SAMHD1: variants seen among roughly 807,000 people sequenced by gnomAD.
The protein encoded by SAMHD1 is SAM and HD domain containing deoxynucleoside triphosphate triphosphohydrolase 1, also known as deoxynucleoside triphosphate triphosphohydrolase SAMHD1.
SAMHD1 carries 54 observed loss-of-function variants against 79.6 expected under a neutral mutation model. The ratio of observed to expected loss-of-function variants is 0.68; its 90% CI spans 0.55 to 0.85. The LOEUF (loss-of-function observed/expected upper bound fraction) is 0.85, where lower values mean the gene tolerates loss of function less well. Among genes scored for constraint, SAMHD1 ranks in the 40% least tolerant of loss-of-function variants. The pLI is 0.00. For synonymous variants in SAMHD1, 260 were observed against 264.1 expected (o/e 0.98, Z 0.15); for missense variants, 663 against 782.7 (o/e 0.85, Z 1.82).
intron 11 of SAMHD1, among the ~76,000 whole-genome samples, chr20:36,909,625 C>T (rs998967840): frequency 1.8e-4 from 26 of 143,688 alleles, no homozygotes; most frequent in Admixed American, 5.0e-4. Flanking sequence ...GAGCCGAGAT[C>T]GTGCCATTGC....
chr20:36,927,314 C>CA (rs1442351376), intron 5 of SAMHD1, 62 bp from the exon 6 acceptor site: 23 of 765,666 alleles, frequency 3.0e-5, no homozygotes, highest in Non-Finnish European at 3.9e-5. Flanking sequence ...AAACTTTTTC[C>CA]TTTTTTTTTT....
intron 1 of SAMHD1, among the ~76,000 whole-genome samples, chr20:36,948,946 A>G (rs1471649945): frequency 6.7e-6 from 1 of 149,184 alleles, no homozygotes. Context: ...CCAATATCAG[A>G]TATCTGCAAG....
chr20:36,925,025 AC>A (rs1368876381), intron 6 of SAMHD1, among the ~76,000 whole-genome samples: 1 of 151,826 alleles, frequency 6.6e-6, no homozygotes, highest in Non-Finnish European at 1.5e-5. Flanking sequence ...GTGTGGTAGC[AC>A]ATGCCTGTAA....
intron 2 of SAMHD1, among the ~76,000 whole-genome samples, chr20:36,943,342 A>C (rs534163950): frequency 7.1e-4 from 108 of 152,326 alleles, no homozygotes; most frequent in African/African-American, 2.5e-3. Flanking sequence ...CATAGTGACT[A>C]CTAAGTACTT....
In SAMHD1 at chr20:36,912,542, T is replaced by C; in HGVS notation, c.1073A>G (p.Asn358Ser). The C allele has an allele frequency of 6.2e-7, 1 of 1,610,798 alleles. No individual in the cohort carries two copies. The highest frequency in any genetic ancestry group is 8.5e-7 in the Non-Finnish European group (1 of 1,177,208). The change falls in exon 10 of 16, where the codon AAT becomes AGT. Residue 358 changes from asparagine (N) to serine (S), a missense_variant. Coordinates refer to ENST00000646673, the MANE Select transcript of SAMHD1 (RefSeq NM_015474.4). ...GCGAGTGTGGAACATGTCATACAGA[T>C]TTCCAACTTCCTGCAGGAAAACATG... ...RICARDKEVG[N>S]LYDMFHTRNS...
intron 6 of SAMHD1, among the ~76,000 whole-genome samples, chr20:36,923,216 G>A (rs1050112906): frequency 6.7e-6 from 1 of 149,840 alleles, no homozygotes; most frequent in Non-Finnish European, 1.5e-5. Context: ...AGCCAGGATG[G>A]TCTCAATCTT....
intron 2 of SAMHD1, among the ~76,000 whole-genome samples, chr20:36,943,329 A>T (rs1311569594): frequency 6.6e-6 from 1 of 152,220 alleles, no homozygotes; most frequent in Admixed American, 6.5e-5. Flanking sequence ...AGTAGCCGTT[A>T]GCCATAGTGA....
intron 9 of SAMHD1, among the ~76,000 whole-genome samples, chr20:36,914,750 T>C (rs973414459): frequency 2.0e-5 from 3 of 151,214 alleles, no homozygotes; most frequent in Non-Finnish European, 4.4e-5. Flanking sequence ...CTCACACATG[T>C]AATACCAGCA....
At chr20:36,948,014 CAT>C (rs971161969) in intron 1 of SAMHD1, among the ~76,000 whole-genome samples, 47 of 152,032 alleles carry the variant, frequency 3.1e-4, no homozygotes, top group African/African-American at 1.1e-3. Flanking sequence ...GTATAGATCA[CAT>C]GAGTTCTAGA....
chr20:36,912,899 T>TTTTTG (rs1555833570), intron 9 of SAMHD1, among the ~76,000 whole-genome samples: 1 of 130,276 alleles, frequency 7.7e-6, no homozygotes, highest in African/African-American at 3.2e-5. Flanking sequence ...GTTTTTTTTT[T>TTTTTG]TTTTTTTTTT....
chr20:36,949,997 G>C (rs1225485368), intron 1 of SAMHD1, among the ~76,000 whole-genome samples: 3 of 143,544 alleles, frequency 2.1e-5, no homozygotes, highest in Non-Finnish European at 4.5e-5. Flanking sequence ...CTGGGGGTAA[G>C]CAAGAGTTGA....
intron 6 of SAMHD1, among the ~76,000 whole-genome samples, chr20:36,921,231 A>G (rs1316197352): frequency 6.6e-6 from 1 of 151,830 alleles, no homozygotes; most frequent in Non-Finnish European, 1.5e-5. Context: ...CATCTCTACT[A>G]AAAATATAAA....
At chr20:36,939,476 G>C (rs2063627541) in intron 3 of SAMHD1, among the ~76,000 whole-genome samples, 1 of 151,342 alleles carries the variant, frequency 6.6e-6, no homozygotes, top group African/African-American at 2.4e-5. Context: ...TGCACCTGTA[G>C]TCCCAGCTAC....
intron 6 of SAMHD1, among the ~76,000 whole-genome samples, chr20:36,922,408 C>T (rs1170336522): frequency 6.6e-6 from 1 of 152,148 alleles, no homozygotes; most frequent in African/African-American, 2.4e-5. Context: ...CTTTGAGAGA[C>T]AGGGCTCTTG....
intron 3 of SAMHD1, among the ~76,000 whole-genome samples, chr20:36,938,646 C>T (rs1283764670): frequency 6.6e-6 from 1 of 151,924 alleles, no homozygotes; most frequent in Admixed American, 6.6e-5. Flanking sequence ...ACCATCCTAG[C>T]TAACGCGGTG....
chr20:36,923,278 C>T lies in SAMHD1; in HGVS notation c.697-3759G>A, dbSNP rs778218474. Reference sequence around the variant, plus strand: ...CCTCCCAAAGTGCTCAGATTACAGGCGCGAGCCACCACGCCTGGCCAAGAG... The same window carrying T: ...CCTCCCAAAGTGCTCAGATTACAGGTGCGAGCCACCACGCCTGGCCAAGAG... On this transcript the variant is annotated intron_variant, in intron 6 of 15. Transcript: ENST00000646673. 6.1e-4 allele frequency among the ~76,000 whole-genome samples: 92 copies of T among 151,974 alleles called. 1 individual carries two copies. The highest frequency in any genetic ancestry group is 9.2e-4 in the Admixed American group (14 of 15,250).
At chr20:36,905,538 T>C (rs2063399908) in intron 11 of SAMHD1, 35 bp from the exon 12 acceptor site, 1 of 1,538,942 alleles carries the variant, frequency 6.5e-7, no homozygotes, top group Admixed American at 1.7e-5. Context: ...TATATTAAAA[T>C]AAAAACACAG....
At chr20:36,931,742 CAAAT>C (rs1237612987) in intron 4 of SAMHD1, among the ~76,000 whole-genome samples, 1 of 150,646 alleles carries the variant, frequency 6.6e-6, no homozygotes, top group African/African-American at 2.4e-5. Context: ...TATCCATCAA[CAAAT>C]GAATGTATAA....
chr20:36,943,988 G>T lies in SAMHD1; in HGVS notation c.275+2750C>A, dbSNP rs184337796. Among the ~76,000 whole-genome samples, 90 of 144,012 alleles carry T rather than the reference G, an allele frequency of 6.2e-4. 2 individuals carry two copies. The Middle Eastern group carries it at 0.021, about 34-fold the overall frequency. The allele number at this position is 144,012 out of a possible 152,430, so 94.5% of individuals were successfully genotyped here. A position where few individuals can be genotyped will look rare whatever the true frequency, so the allele number is the denominator to read the frequency against. ...AGCTACTCAGGAGGCTGAGGTGGTAGAATCACTTGAATCTGGGAGGTGGAG... is the reference window on the plus strand; with the variant it reads ...AGCTACTCAGGAGGCTGAGGTGGTATAATCACTTGAATCTGGGAGGTGGAG... On this transcript the variant is annotated intron_variant, in intron 2 of 15. Coordinates refer to ENST00000646673, the MANE Select transcript of SAMHD1 (RefSeq NM_015474.4).
Sources: gnomAD v4.1 joint callset for allele counts (sites outside exome capture counted in the v4.1 genomes callset) on GRCh38, gnomAD v4.1.1 for gene constraint, MANE v1.5 for transcripts, NCBI Gene and HGNC (gene_info 2026-07-23, HGNC 2026-07-21) for gene names.